Variants in RASGRF2 observed in about 807,000 individuals in gnomAD.
The protein encoded by RASGRF2 is ras-specific guanine nucleotide-releasing factor 2.
Under a neutral mutation model 151.0 loss-of-function variants are expected in RASGRF2, and 76 were observed. That is an observed-to-expected ratio of 0.50 (90% CI 0.42 to 0.61). The LOEUF is 0.61. Ranked by LOEUF, RASGRF2 falls within the 20% of genes least tolerant of loss-of-function variation. The pLI is 0.00. For synonymous variants in RASGRF2, 504 were observed against 566.5 expected (o/e 0.89, Z 1.57); for missense variants, 1,148 against 1,564.6 (o/e 0.73, Z 4.49).
intron 1 of RASGRF2, among the ~76,000 whole-genome samples, chr5:81,030,191 G>C (rs1436589734): frequency 6.6e-6 from 1 of 152,246 alleles, no homozygotes; most frequent in Non-Finnish European, 1.5e-5. Flanking sequence ...ACCTGAAAGT[G>C]ATGGGGAGAA....
chr5:81,113,915 A>G lies in RASGRF2; in HGVS notation c.2465A>G (p.Gln822Arg). The change falls in exon 15 of 27, where the codon CAA becomes CGA. Residue 822 changes from glutamine to arginine, a missense_variant. By Grantham distance (43) the Gln-to-Arg change is conservative. Transcript: ENST00000265080. ...TGTAACAAGCTAAAACGAAGTATTC[A>G]AAAAGGTATTATCTAGCACATTTGC... ...DLCNKLKRSI[Q>R]KAVLESAPAD... 4 of 1,612,400 alleles carry G rather than the reference A, an allele frequency of 2.5e-6. No homozygotes were observed. Among genetic ancestry groups the G allele is most frequent in the Non-Finnish European group, 3.4e-6 (4 of 1,178,932 alleles).
chr5:81,228,539 C>T lies in RASGRF2; in HGVS notation c.*2769C>T, dbSNP rs1449888070. 6.6e-6 allele frequency: 1 copy of T among 152,212 alleles called. No homozygotes were observed. Among genetic ancestry groups the T allele is most frequent in the Non-Finnish European group, 1.5e-5 (1 of 68,034 alleles). 9.4% of individuals were successfully genotyped at this position (152,212 alleles called of 1,614,324 possible). ...CCATTTCTAAGAGGAGATGGGAGGT[C>T]AACCTCTAACAGCCAAGTAGCGAAC... On this transcript the variant is annotated 3_prime_UTR_variant, in exon 27 of 27. Transcript: ENST00000265080.
chr5:81,178,448 A>G (rs755059056), intron 17 of RASGRF2, among the ~76,000 whole-genome samples: 4 of 152,222 alleles, frequency 2.6e-5, no homozygotes, highest in African/African-American at 4.8e-5. Context: ...TTTGAAACAT[A>G]TAACAGGAAA....
At position 81,001,571 on chromosome 5, in the gene RASGRF2, C is replaced by G. The variant is rs542724321; in HGVS notation, c.288+40545C>G. 2.0e-5 allele frequency among the ~76,000 whole-genome samples: 3 copies of G among 152,154 alleles called. No individual in the cohort carries two copies. In the East Asian group the frequency reaches 5.8e-4, roughly 29 times the overall value. The stretch of plus-strand genomic sequence containing the variant: ...CACTCTTGAGAGTCAAGTGTTGCCC[C>G]CATTTTGAGCATGGACCCTATTCCT... On this transcript the variant is annotated intron_variant, in intron 1 of 26. Transcript: ENST00000265080.
At chr5:80,991,439 A>G (rs1416626854) in intron 1 of RASGRF2, among the ~76,000 whole-genome samples, 2 of 152,172 alleles carry the variant, frequency 1.3e-5, no homozygotes, top group East Asian at 3.8e-4. Context: ...AAATAAATAA[A>G]TAGCAGAATC....
intron 2 of RASGRF2, among the ~76,000 whole-genome samples, chr5:81,060,386 C>T (rs1287107646): frequency 6.6e-6 from 1 of 152,150 alleles, no homozygotes; most frequent in South Asian, 2.1e-4. Flanking sequence ...TGCTTCAAGT[C>T]GTTTCTCCAG....
In RASGRF2 at chr5:81,187,075, C is replaced by T. The variant is rs142126564; in HGVS notation, c.2793+6794C>T. ...CTTGATAGAGATAACCTTGTGAAAG[C>T]GGCATCTGGTCCAAACCCAGACCTT... is the stretch of plus-strand genomic sequence containing the variant. On this transcript the variant is annotated intron_variant, in intron 18 of 26. Transcript: ENST00000265080. Among the ~76,000 whole-genome samples, 19 of 152,294 alleles carry T rather than the reference C, an allele frequency of 1.2e-4. No individual in the cohort carries two copies. In the East Asian group the frequency reaches 1.9e-3, roughly 16 times the overall value.
chr5:81,035,504 C>T (rs1750455513), intron 1 of RASGRF2, among the ~76,000 whole-genome samples: 1 of 151,858 alleles, frequency 6.6e-6, no homozygotes. Flanking sequence ...GGAGATATAC[C>T]TAATGTAAAT....
At chr5:80,987,371 G>A (rs1468842905) in intron 1 of RASGRF2, among the ~76,000 whole-genome samples, 2 of 152,172 alleles carry the variant, frequency 1.3e-5, no homozygotes, top group South Asian at 2.1e-4. Context: ...GCATTCGGTC[G>A]AGTGAGAGCT....
intron 15 of RASGRF2, among the ~76,000 whole-genome samples, chr5:81,118,895 C>T (rs1753231005): frequency 6.6e-6 from 1 of 152,178 alleles, no homozygotes; most frequent in African/African-American, 2.4e-5. Context: ...TACTTTGTAA[C>T]AAAGATGGCT....
At position 81,085,804 on chromosome 5, in the gene RASGRF2, C is replaced by A. The variant is rs1752212801; in HGVS notation, c.1164C>A (p.Ile388=). Residue 388 remains isoleucine (I), a splice_region_variant and synonymous_variant, in exon 8 of 27, where the codon ATC becomes ATA. Transcript: ENST00000265080. ...TACTGGCCTCTGTTTGCATCTAGAT[C>A]CCCAGATATATCATCACACTCCATG... ...ETFLTYPMFQ[I]PRYIITLHEL... is the part of the protein sequence containing the mutation. The A allele has an allele frequency of 6.2e-7, 1 of 1,613,964 alleles. No individual in the cohort carries two copies. Among genetic ancestry groups the A allele is most frequent in the Non-Finnish European group, 8.5e-7 (1 of 1,179,944 alleles).
At chr5:81,169,333 A>AG (rs1365121769) in intron 17 of RASGRF2, among the ~76,000 whole-genome samples, 7 of 152,188 alleles carry the variant, frequency 4.6e-5, no homozygotes, top group Admixed American at 3.9e-4. Context: ...GGCTAAAAAA[A>AG]CAACGATTTA....
intron 7 of RASGRF2, among the ~76,000 whole-genome samples, chr5:81,082,690 A>G (rs535403188): frequency 2.6e-5 from 4 of 152,246 alleles, no homozygotes; most frequent in African/African-American, 9.6e-5. Context: ...CCCCTCCCCA[A>G]GGATGTGGTG....
At chr5:81,093,048 G>A in intron 10 of RASGRF2, 87 bp downstream of exon 10, 3 of 1,351,064 alleles carry the variant, frequency 2.2e-6, no homozygotes, top group African/African-American at 1.5e-5. Flanking sequence ...CCCATGCTTG[G>A]TATTATCATA....
chr5:81,220,382 A>G (rs888845828), intron 26 of RASGRF2, among the ~76,000 whole-genome samples: 1 of 152,240 alleles, frequency 6.6e-6, no homozygotes, highest in Non-Finnish European at 1.5e-5. Context: ...AAAACTGAGA[A>G]GGTAGTAGAG....
rs1580407328 is a variant in RASGRF2 at position 81,208,256 on chromosome 5, A to C, written c.3072-98A>C. 3 of 1,040,910 alleles carry C rather than the reference A, an allele frequency of 2.9e-6. No individual in the cohort carries two copies. In the East Asian group the frequency reaches 7.8e-5, roughly 27 times the overall value. 64.5% of individuals were successfully genotyped at this position (1,040,910 alleles called of 1,614,324 possible). A position where few individuals can be genotyped will look rare whatever the true frequency, so the allele number is the denominator to read the frequency against. On this transcript the variant is annotated intron_variant, in intron 21 of 26. Coordinates refer to ENST00000265080, the MANE Select transcript of RASGRF2 (RefSeq NM_006909.3). ...GTCAGGAACCATTCTAGGCCATGTC[A>C]AATGGAATTTTTCTAATATTCGTGA...
intron 2 of RASGRF2, among the ~76,000 whole-genome samples, chr5:81,055,457 C>G (rs1751170136): frequency 1.3e-5 from 2 of 152,126 alleles, no homozygotes; most frequent in South Asian, 4.1e-4. Flanking sequence ...TTGAACCAGC[C>G]TTGCATCCCA....
rs1325560566 is a variant in RASGRF2, at chr5:80,960,734, GC to G, written c.-4del. 1 of 1,562,098 alleles carries G rather than the reference GC, an allele frequency of 6.4e-7. No individual in the cohort carries two copies. The highest frequency in any genetic ancestry group is 1.8e-5 in the Admixed American group (1 of 56,926). Reference sequence around the variant, plus strand: ...GGCCACCCGTGAGCCCTCCGCACCCGCACCATGCAGAAGAGCGTGCGCTACA... The same window carrying G: ...GGCCACCCGTGAGCCCTCCGCACCCGACCATGCAGAAGAGCGTGCGCTACA... On this transcript the variant is annotated 5_prime_UTR_variant, in exon 1 of 27. Coordinates refer to ENST00000265080, the MANE Select transcript of RASGRF2 (RefSeq NM_006909.3). This position sits in a 1 kb window ranked among gnomAD's most constrained non-coding sequence, Gnocchi z 5.5.
At chr5:81,224,854 G>GA (rs1755935573) in intron 26 of RASGRF2, among the ~76,000 whole-genome samples, 1 of 152,240 alleles carries the variant, frequency 6.6e-6, no homozygotes, top group African/African-American at 2.4e-5. Flanking sequence ...TGTGGTGATA[G>GA]AAACCAGGGC....
Sources: gnomAD v4.1 joint callset for allele counts (sites outside exome capture counted in the v4.1 genomes callset) on GRCh38, gnomAD v4.1.1 for gene constraint, Gnocchi (gnomAD v3.1) non-coding constraint, MANE v1.5 for transcripts, NCBI Gene and HGNC (gene_info 2026-07-23, HGNC 2026-07-21) for gene names.